The following LPIN1 variants were observed in gnomAD, a reference collection of about 807,000 sequenced individuals.
The protein encoded by LPIN1 is phosphatidate phosphatase LPIN1.
In LPIN1, 71 loss-of-function variants were observed where a neutral mutation model predicts 107.5. The ratio of observed to expected loss-of-function variants is 0.66; its 90% CI spans 0.55 to 0.80. The LOEUF is 0.80. Ranked by LOEUF, LPIN1 falls within the 30% of genes least tolerant of loss-of-function variation. The probability of loss-of-function intolerance (pLI) is 0.00; values close to 1 mark genes in which losing one functional copy is unlikely to be tolerated. For missense variants in LPIN1, 1,043 were observed against 1,160.6 expected (o/e 0.90, Z 1.47); for synonymous variants, 445 against 452.6 (o/e 0.98, Z 0.21).
In LPIN1 at chr2:11,795,504, C is replaced by T. The variant is rs1204689456; in HGVS notation, c.1886+17C>T. 2.5e-6 allele frequency: 4 copies of T among 1,612,596 alleles called. No homozygotes were observed. The highest frequency in any genetic ancestry group is 3.4e-6 in the Non-Finnish European group (4 of 1,178,808). On this transcript the variant is annotated intron_variant, in intron 14 of 20. Transcript: ENST00000674199. ...GGCCACCAGGTGCGGTAGGAGGCTTCTTGGGATGTTTGCAGCCCCTTTCCG... is the reference window on the plus strand; with the variant it reads ...GGCCACCAGGTGCGGTAGGAGGCTTTTTGGGATGTTTGCAGCCCCTTTCCG...
intron 1 of LPIN1, among the ~76,000 whole-genome samples, chr2:11,758,074 A>G (rs529577151): frequency 5.3e-5 from 8 of 152,264 alleles, no homozygotes; most frequent in African/African-American, 1.7e-4. Flanking sequence ...CTCAAGGTTC[A>G]TCTACACAGT....
At chr2:11,788,309 G>C in intron 11 of LPIN1, 78 bp from the exon 12 acceptor site, 1 of 1,135,358 alleles carries the variant, frequency 8.8e-7, no homozygotes, top group Non-Finnish European at 1.3e-6. Context: ...AGCTTTCCTT[G>C]ACTACTTTAT....
chr2:11,815,999 G>A (rs1680514141), intron 18 of LPIN1, among the ~76,000 whole-genome samples: 1 of 152,168 alleles, frequency 6.6e-6, no homozygotes, highest in Non-Finnish European at 1.5e-5. Flanking sequence ...CCTGCTGAAG[G>A]CTGATTGTAA....
Position 11,779,547 on chromosome 2 carries a change from A to G in LPIN1, c.859A>G (p.Lys287Glu), listed in dbSNP as rs1673221725. 6.2e-7 allele frequency: 1 copy of G among 1,613,882 alleles called. No individual in the cohort carries two copies. Among genetic ancestry groups the G allele is most frequent in the Non-Finnish European group, 8.5e-7 (1 of 1,180,004 alleles). The change falls in exon 7 of 21, where the codon AAA becomes GAA. Residue 287 changes from lysine to glutamate, a missense_variant. Coordinates refer to ENST00000674199, the MANE Select transcript of LPIN1 (RefSeq NM_001349206.2). ...SPSGSRPSTP[K>E]SDSELVSKST... ...TTCCGGTTCCCGACCTTCAACACCT[A>G]AAAGTGATTCAGAATTGGTCAGCAA...
intron 12 of LPIN1, among the ~76,000 whole-genome samples, chr2:11,789,399 A>C (rs1359306330): frequency 6.6e-6 from 1 of 151,630 alleles, no homozygotes; most frequent in Non-Finnish European, 1.5e-5. Context: ...GTATGTGTGC[A>C]TGCTTGTGCA....
At position 11,811,993 on chromosome 2, in the gene LPIN1, G is replaced by GA. The variant is rs921283379; in HGVS notation, c.2250-3086dup. On this transcript the variant is annotated intron_variant, in intron 17 of 20. Coordinates refer to ENST00000674199, the MANE Select transcript of LPIN1 (RefSeq NM_001349206.2). ...AGCGAGACTCCGTCTCAAAAAAAAA[G>GA]AAAAAAAAAGAAATTTTTAATTTTG... Among the ~76,000 whole-genome samples the GA allele has an allele frequency of 1.5e-4, 22 of 150,882 alleles. No homozygotes were observed. In the East Asian group the frequency reaches 2.3e-3, roughly 16 times the overall value.
chr2:11,717,492 C>T (rs1033667053), intron 2 of LPIN1, among the ~76,000 whole-genome samples: 9 of 151,830 alleles, frequency 5.9e-5, no homozygotes, highest in African/African-American at 2.2e-4. Context: ...CTGCCCATCC[C>T]CCCACCCTCC....
chr2:11,775,165 G>A (rs973894820), intron 5 of LPIN1, among the ~76,000 whole-genome samples: 4 of 152,136 alleles, frequency 2.6e-5, no homozygotes, highest in Non-Finnish European at 5.9e-5. Context: ...GACAAGCCAC[G>A]TTTCAAGTGC....
In LPIN1 at chr2:11,761,598, T is replaced by C. The variant is rs184700056; in HGVS notation, c.-9-3935T>C. On this transcript the variant is annotated intron_variant, in intron 1 of 20. Transcript: ENST00000674199. Reference sequence around the variant, plus strand: ...TTCTTTGTAGGTATCATTCATGACTTCTGGTTCTCTGGCCTGTTCTAAATT... The same window carrying C: ...TTCTTTGTAGGTATCATTCATGACTCCTGGTTCTCTGGCCTGTTCTAAATT... Among the ~76,000 whole-genome samples, 4 of 152,218 alleles carry C rather than the reference T, an allele frequency of 2.6e-5. No individual in the cohort carries two copies. In the East Asian group the frequency reaches 7.7e-4, roughly 29 times the overall value.
At chr2:11,759,803 C>T (rs1417063931) in intron 1 of LPIN1, among the ~76,000 whole-genome samples, 17 of 108,308 alleles carry the variant, frequency 1.6e-4, no homozygotes, top group Non-Finnish European at 2.4e-4. Flanking sequence ...GGCGGCTGGC[C>T]GGGCGGGGGC....
chr2:11,801,935 G>A (rs758577443), intron 14 of LPIN1, among the ~76,000 whole-genome samples: 2 of 151,854 alleles, frequency 1.3e-5, no homozygotes, highest in Non-Finnish European at 2.9e-5. Context: ...TAAAAAATAC[G>A]AAAGACAGTA....
At chr2:11,686,904 C>T (rs78411204) in intron 1 of LPIN1, among the ~76,000 whole-genome samples, 5,522 of 151,362 alleles carry the variant, frequency 0.036, 339 homozygotes, top group African/African-American at 0.13. Flanking sequence ...TGCTCAAAGG[C>T]AGGATTATCT....
intron 17 of LPIN1, 69 bp downstream of exon 17, chr2:11,805,225 A>G (rs1477969686): frequency 8.2e-7 from 1 of 1,216,926 alleles, no homozygotes; most frequent in Non-Finnish European, 1.2e-6. Context: ...TGCATATGGA[A>G]TCTTTCCTGT....
At chr2:11,681,872 C>T (rs1381881905) in intron 1 of LPIN1, among the ~76,000 whole-genome samples, 2 of 152,338 alleles carry the variant, frequency 1.3e-5, no homozygotes, top group East Asian at 1.9e-4. Flanking sequence ...GGGCGACGTC[C>T]TCTCCTCTGG....
intron 1 of LPIN1, among the ~76,000 whole-genome samples, chr2:11,710,449 T>A (rs953610192): frequency 2.7e-5 from 4 of 150,822 alleles, no homozygotes; most frequent in Admixed American, 6.6e-5. Flanking sequence ...TGGCAGCCAA[T>A]GCACTGAACA....
At chr2:11,794,126 T>C (rs1676257575) in intron 13 of LPIN1, among the ~76,000 whole-genome samples, 1 of 152,244 alleles carries the variant, frequency 6.6e-6, no homozygotes, top group Non-Finnish European at 1.5e-5. Context: ...GGTCTACTCA[T>C]CAGTTTTACT....
In LPIN1 at chr2:11,769,043, T is replaced by C. The variant is rs185365117; in HGVS notation, c.288+1185T>C. Among the ~76,000 whole-genome samples, 3 of 152,266 alleles carry C rather than the reference T, an allele frequency of 2.0e-5. No homozygotes were observed. In the South Asian group the frequency reaches 6.2e-4, roughly 31 times the overall value. On this transcript the variant is annotated intron_variant, in intron 3 of 20. Coordinates refer to ENST00000674199, the MANE Select transcript of LPIN1 (RefSeq NM_001349206.2). ...TGGCTGTGAACATTTGTATACAAGT[T>C]TTTGTGTGGACACGTGTGTTTGATT...
chr2:11,794,551 T>A (rs946108404), intron 13 of LPIN1, among the ~76,000 whole-genome samples: 3 of 152,250 alleles, frequency 2.0e-5, no homozygotes, highest in African/African-American at 7.2e-5. Context: ...ATGCTAGTCA[T>A]ATGTTAAGAC....
At chr2:11,767,484 TAATTATAATA>T (rs1671105470) in intron 2 of LPIN1, 1 of 412,056 alleles carries the variant, frequency 2.4e-6, no homozygotes, top group Admixed American at 3.8e-5. Context: ...TTATTTTTAA[TAATTATAATA>T]ATGGCCAAAA....
Sources: gnomAD v4.1 joint callset for allele counts (sites outside exome capture counted in the v4.1 genomes callset) on GRCh38, gnomAD v4.1.1 for gene constraint, MANE v1.5 for transcripts, NCBI Gene and HGNC (gene_info 2026-07-23, HGNC 2026-07-21) for gene names.